ZNF385D: variants seen among roughly 807,000 people sequenced by gnomAD.
ZNF385D encodes zinc finger protein 659.
Under a neutral mutation model 35.8 loss-of-function variants are expected in ZNF385D, and 15 were observed. The ratio of observed to expected loss-of-function variants is 0.42; its 90% CI spans 0.28 to 0.64. The LOEUF (loss-of-function observed/expected upper bound fraction) is 0.64. ZNF385D is among the 30% of genes least tolerant of loss of function. The probability of loss-of-function intolerance (pLI) is 0.23; values close to 1 mark genes in which losing one functional copy is unlikely to be tolerated. For synonymous variants in ZNF385D, 212 were observed against 186.8 expected, an observed-to-expected ratio of 1.13 and a Z score of -1.10; for missense variants, 474 against 494.6, an observed-to-expected ratio of 0.96 and a Z score of 0.39.
At chr3:21,761,640 G>A (rs1435409418) in intron 3 of ZNF385D, among the ~76,000 whole-genome samples, 2 of 152,102 alleles carry the variant, frequency 1.3e-5, no homozygotes, top group East Asian at 3.9e-4. Flanking sequence ...TCTATAGAGA[G>A]GATAAGACAC....
At chr3:21,808,854 C>G (rs149105989) in intron 3 of ZNF385D, among the ~76,000 whole-genome samples, 1 of 152,184 alleles carries the variant, frequency 6.6e-6, no homozygotes, top group Non-Finnish European at 1.5e-5. Flanking sequence ...GCTTAAGTCT[C>G]AGATTGACCT....
chr3:22,008,589 C>A (rs1202460714), intron 3 of ZNF385D, among the ~76,000 whole-genome samples: 2 of 152,222 alleles, frequency 1.3e-5, no homozygotes, highest in Non-Finnish European at 2.9e-5. Flanking sequence ...ATCTCCTGAC[C>A]TCGTGATCCG....
At chr3:21,702,928 A>G (rs1186314964) in intron 1 of ZNF385D, among the ~76,000 whole-genome samples, 2 of 152,176 alleles carry the variant, frequency 1.3e-5, no homozygotes, top group Non-Finnish European at 2.9e-5. Context: ...AAGCCATTCA[A>G]CAAGTCTCTA....
intron 3 of ZNF385D, among the ~76,000 whole-genome samples, chr3:21,798,879 T>C (rs74285145): frequency 0.078 from 11,827 of 152,248 alleles, 609 homozygotes; most frequent in South Asian, 0.14. Flanking sequence ...CACAATGTTG[T>C]GCAATAATAA....
rs538923305 is a variant in ZNF385D, at chr3:22,330,109, C to T, written c.106+42341G>A. Among the ~76,000 whole-genome samples, 13 of 152,198 alleles carry T rather than the reference C, an allele frequency of 8.5e-5. No homozygotes were observed. The South Asian group carries it at 2.7e-3, about 32-fold the overall frequency. On this transcript the variant is annotated intron_variant, in intron 2 of 5. Transcript: ENST00000494108. ...GAGCTAACTCTAGTATTTATTTCAT[C>T]TATTGAGCTTTTCATTTCGATGAGT... is the stretch of plus-strand genomic sequence containing the variant.
intron 2 of ZNF385D, among the ~76,000 whole-genome samples, chr3:22,213,181 T>C (rs1697636774): frequency 6.6e-6 from 1 of 152,096 alleles, no homozygotes. Flanking sequence ...AATAATGTCA[T>C]AGTTTGGCTT....
chr3:22,009,634 TAA>T (rs11335620), intron 3 of ZNF385D, among the ~76,000 whole-genome samples: 10 of 132,570 alleles, frequency 7.5e-5, no homozygotes, highest in African/African-American at 1.8e-4. Context: ...AAAAAAAAAA[TAA>T]AAAAAAAAAA....
intron 3 of ZNF385D, among the ~76,000 whole-genome samples, chr3:21,812,390 G>T (rs951667962): frequency 1.2e-4 from 18 of 152,362 alleles, no homozygotes; most frequent in African/African-American, 3.1e-4. Context: ...GCTGAAGCAG[G>T]GCGGGGCACC....
intron 2 of ZNF385D, among the ~76,000 whole-genome samples, chr3:22,277,884 T>C (rs934040387): frequency 1.3e-5 from 2 of 152,054 alleles, no homozygotes; most frequent in East Asian, 3.9e-4. Flanking sequence ...AATTAAGGCT[T>C]AGTGTGTTTA....
intron 1 of ZNF385D, among the ~76,000 whole-genome samples, chr3:21,687,912 TAGACAG>T (rs2067159214): frequency 6.6e-6 from 1 of 152,104 alleles, no homozygotes; most frequent in Admixed American, 6.6e-5. Context: ...GTTTTTTTTT[TAGACAG>T]AGTCTTGATC....
chr3:21,972,885 T>C (rs553073239), intron 3 of ZNF385D, among the ~76,000 whole-genome samples: 22 of 151,912 alleles, frequency 1.4e-4, no homozygotes, highest in Non-Finnish European at 2.7e-4. Context: ...ATCCAAAACC[T>C]GAATCGATGA....
intron 2 of ZNF385D, among the ~76,000 whole-genome samples, chr3:21,636,364 T>TATATA (rs1559478643): frequency 3.5e-5 from 4 of 113,918 alleles, no homozygotes; most frequent in African/African-American, 1.3e-4. Flanking sequence ...TTATATATGA[T>TATATA]TATATATATA....
chr3:21,450,135 G>A (rs1489248807), intron 4 of ZNF385D, among the ~76,000 whole-genome samples: 1 of 152,152 alleles, frequency 6.6e-6, no homozygotes, highest in Non-Finnish European at 1.5e-5. Context: ...GGGCTGTCAA[G>A]GTTTTATTGA....
chr3:22,309,131 G>C (rs1463644091), intron 2 of ZNF385D, among the ~76,000 whole-genome samples: 1 of 151,980 alleles, frequency 6.6e-6, no homozygotes. Flanking sequence ...AACAGAAAAG[G>C]AAAAGCAGCC....
At chr3:21,924,777 G>C (rs1700641370) in intron 3 of ZNF385D, among the ~76,000 whole-genome samples, 1 of 152,066 alleles carries the variant, frequency 6.6e-6, no homozygotes, top group Non-Finnish European at 1.5e-5. Flanking sequence ...GAGAGGCATA[G>C]TAAGGAGCCA....
intron 3 of ZNF385D, among the ~76,000 whole-genome samples, chr3:21,982,094 T>TG (rs1694491027): frequency 6.6e-6 from 1 of 151,556 alleles, no homozygotes; most frequent in Non-Finnish European, 1.5e-5. Flanking sequence ...TTTTTTTTTT[T>TG]TTTAATTCTG....
chr3:21,831,151 T>C (rs1191622965), intron 3 of ZNF385D, among the ~76,000 whole-genome samples: 2 of 152,170 alleles, frequency 1.3e-5, no homozygotes, highest in Non-Finnish European at 2.9e-5. Flanking sequence ...TTCAATAATT[T>C]TGTAAAAATA....
At chr3:22,102,173 C>A (rs533116098) in intron 3 of ZNF385D, among the ~76,000 whole-genome samples, 1 of 152,044 alleles carries the variant, frequency 6.6e-6, no homozygotes, top group South Asian at 2.1e-4. Flanking sequence ...AGGATGATTT[C>A]TTTCATCCCT....
At chr3:21,764,467 G>A (rs2070745549) in intron 3 of ZNF385D, among the ~76,000 whole-genome samples, 1 of 152,164 alleles carries the variant, frequency 6.6e-6, no homozygotes, top group Non-Finnish European at 1.5e-5. Context: ...ATAAACATAT[G>A]CAATAATGCT....
Sources: allele counts gnomAD v4.1 joint callset (sites outside exome capture counted in the v4.1 genomes callset), GRCh38; gene constraint gnomAD v4.1.1; transcripts MANE v1.5; gene names NCBI Gene and HGNC (gene_info 2026-07-23, HGNC 2026-07-21).